The following PSMA6 variants were observed in gnomAD, a reference collection of about 807,000 sequenced individuals.
PSMA6 encodes the protein proteasome 20S subunit alpha 6.
For missense variants in PSMA6, 170 were observed against 294.8 expected (o/e 0.58, Z 3.10); for synonymous variants, 88 against 97.7 (o/e 0.90, Z 0.59).
intron 1 of PSMA6, among the ~76,000 whole-genome samples, chr14:35,285,122 G>A (rs2051406406): frequency 6.6e-6 from 1 of 152,070 alleles, no homozygotes; most frequent in Non-Finnish European, 1.5e-5. Flanking sequence ...GAGGCAGGAG[G>A]ATCACTTAAG....
At chr14:35,283,882 T>A (rs1011962776) in intron 1 of PSMA6, among the ~76,000 whole-genome samples, 1 of 152,186 alleles carries the variant, frequency 6.6e-6, no homozygotes, top group Non-Finnish European at 1.5e-5. Context: ...TTTACAAATT[T>A]TTTGCAGATA....
At chr14:35,312,323 C>A (rs562904026) in intron 4 of PSMA6, among the ~76,000 whole-genome samples, 1 of 151,410 alleles carries the variant, frequency 6.6e-6, no homozygotes, top group Non-Finnish European at 1.5e-5. Flanking sequence ...CTGGCTAACA[C>A]GGCGAAACCC....
intron 1 of PSMA6, among the ~76,000 whole-genome samples, chr14:35,279,275 G>C (rs1413754471): frequency 6.6e-6 from 1 of 152,036 alleles, no homozygotes; most frequent in Non-Finnish European, 1.5e-5. Context: ...TCGAACTCCA[G>C]ACCTCAGGTG....
At chr14:35,287,074 A>C (rs1013976466) in intron 1 of PSMA6, among the ~76,000 whole-genome samples, 2 of 152,076 alleles carry the variant, frequency 1.3e-5, no homozygotes, top group Non-Finnish European at 2.9e-5. Flanking sequence ...CTCCTCCAAC[A>C]CTCATCCAGA....
At chr14:35,305,470 T>A (rs1290256200) in intron 1 of PSMA6, among the ~76,000 whole-genome samples, 7 of 152,240 alleles carry the variant, frequency 4.6e-5, no homozygotes, top group African/African-American at 1.7e-4. Context: ...TCTAGAATCA[T>A]TTTTGCTCTG....
upstream of PSMA6, among the ~76,000 whole-genome samples, chr14:35,291,408 G>T (rs1436893060): frequency 6.6e-6 from 1 of 152,066 alleles, no homozygotes; most frequent in East Asian, 1.9e-4. Flanking sequence ...TTTTAGTAGA[G>T]ACGGGGTTTC....
chr14:35,294,743 G>A (rs2051551017), intron 1 of PSMA6, among the ~76,000 whole-genome samples: 1 of 151,792 alleles, frequency 6.6e-6, no homozygotes, highest in Admixed American at 6.6e-5. Context: ...AGCTCTGTAT[G>A]GAATATTTCC....
intron 1 of PSMA6, among the ~76,000 whole-genome samples, chr14:35,294,220 A>G (rs2051539318): frequency 2.0e-5 from 3 of 152,076 alleles, no homozygotes; most frequent in Admixed American, 2.0e-4. Flanking sequence ...TTGTATTTTT[A>G]GTAGAGACGA....
At chr14:35,285,038 A>G (rs1172560403) in intron 1 of PSMA6, among the ~76,000 whole-genome samples, 1 of 152,194 alleles carries the variant, frequency 6.6e-6, no homozygotes. Context: ...AGGTTCATCA[A>G]GTCATTCAAA....
At chr14:35,309,079 A>G in intron 3 of PSMA6, 84 bp downstream of exon 3, 1 of 1,070,884 alleles carries the variant, frequency 9.3e-7, no homozygotes, top group Non-Finnish European at 1.4e-6. Flanking sequence ...GTTTTGTATT[A>G]ATTTTAAACT....
chr14:35,289,131 C>T (rs1243717490), upstream of PSMA6, among the ~76,000 whole-genome samples: 1 of 152,070 alleles, frequency 6.6e-6, no homozygotes, highest in African/African-American at 2.4e-5. Flanking sequence ...AATTTAAATT[C>T]AGGTTTAAAT....
In PSMA6 at chr14:35,317,357, G is replaced by A; in HGVS notation, c.*51G>A. The A allele has an allele frequency of 1.3e-6, 2 of 1,504,662 alleles. No homozygotes were observed. Among genetic ancestry groups the A allele is most frequent in the Non-Finnish European group, 1.8e-6 (2 of 1,083,062 alleles). 93.2% of individuals were successfully genotyped at this position (1,504,662 alleles called of 1,614,324 possible). A position where few individuals can be genotyped will look rare whatever the true frequency, so the allele number is the denominator to read the frequency against. ...GTGATGCCACTTACCTGTGTGTTTG[G>A]TAACAACAAACCAACATCATGGAGG... On this transcript the variant is annotated 3_prime_UTR_variant, in exon 7 of 7. Transcript: ENST00000261479.
At chr14:35,314,737 G>T in intron 6 of PSMA6, 1 of 177,768 alleles carries the variant, frequency 5.6e-6, no homozygotes, top group Non-Finnish European at 1.1e-5. Flanking sequence ...ATTAGCATAA[G>T]TGTTTTCTTT....
chr14:35,306,902 T>C (rs1046661536), intron 1 of PSMA6, among the ~76,000 whole-genome samples: 6 of 152,016 alleles, frequency 3.9e-5, no homozygotes, highest in African/African-American at 1.4e-4. Context: ...ATCCTAACAC[T>C]TTGGGAGGCC....
intron 1 of PSMA6, among the ~76,000 whole-genome samples, chr14:35,297,702 T>C (rs1403954190): frequency 6.6e-6 from 1 of 152,214 alleles, no homozygotes; most frequent in African/African-American, 2.4e-5. Context: ...GTAAATGCTT[T>C]GCAACACCTG....
At chr14:35,295,183 C>T (rs2051559531) in intron 1 of PSMA6, among the ~76,000 whole-genome samples, 2 of 151,822 alleles carry the variant, frequency 1.3e-5, no homozygotes, top group Admixed American at 1.3e-4. Context: ...ACTAAAAATA[C>T]AAAAAACTAG....
chr14:35,279,071 G>A (rs1389406700), intron 1 of PSMA6, among the ~76,000 whole-genome samples: 1 of 152,016 alleles, frequency 6.6e-6, no homozygotes, highest in African/African-American at 2.4e-5. Flanking sequence ...GTTTGAGATG[G>A]AGTTTCGCTC....
chr14:35,292,649 A>T, intron 1 of PSMA6, 97 bp downstream of exon 1: 1 of 1,545,110 alleles, frequency 6.5e-7, no homozygotes, highest in South Asian at 1.2e-5. Flanking sequence ...TCTGGGGCCG[A>T]AGCTGGGCTG....
rs528727743 is a variant in PSMA6 at position 35,294,420 on chromosome 14, G to A, written c.76+1868G>A. Among the ~76,000 whole-genome samples the A allele has an allele frequency of 2.6e-5, 4 of 152,324 alleles. No homozygotes were observed. In the South Asian group the frequency reaches 8.3e-4, roughly 32 times the overall value. ...ATTAGACATTGTTAGGAAAATGAAAGTGAAAGAGTAGTATGAGCAAGCAGT... is the reference window on the plus strand; with the variant it reads ...ATTAGACATTGTTAGGAAAATGAAAATGAAAGAGTAGTATGAGCAAGCAGT... On this transcript the variant is annotated intron_variant, in intron 1 of 6. Coordinates refer to ENST00000261479, the MANE Select transcript of PSMA6 (RefSeq NM_002791.3).
Sources: gnomAD v4.1 joint callset for allele counts (sites outside exome capture counted in the v4.1 genomes callset) on GRCh38, gnomAD v4.1.1 for gene constraint, MANE v1.5 for transcripts, NCBI Gene and HGNC (gene_info 2026-07-23, HGNC 2026-07-21) for gene names.